TTC16: variants seen among roughly 807,000 people sequenced by gnomAD.
TTC16 encodes tetratricopeptide repeat protein 16.
In TTC16, 66 loss-of-function variants were observed where a neutral mutation model predicts 80.4. The ratio of observed to expected loss-of-function variants is 0.82; its 90% CI spans 0.67 to 1.01. The LOEUF (loss-of-function observed/expected upper bound fraction) is 1.01. Ranked by LOEUF, TTC16 falls within the 50% of genes least tolerant of loss-of-function variation. TTC16 has a pLI of 0.00. For synonymous variants in TTC16, 438 were observed against 451.3 expected (o/e 0.97, Z 0.37); for missense variants, 1,070 against 1,103.2 (o/e 0.97, Z 0.43).
At chr9:127,730,523 G>C in intron 13 of TTC16, 113 bp from the exon 14 acceptor site, 1 of 1,461,870 alleles carries the variant, frequency 6.8e-7, no homozygotes, top group Non-Finnish European at 9.1e-7. Flanking sequence ...TCCCTTTGGT[G>C]ATGCGAAGCC....
chr9:127,723,307 T>C lies in TTC16; in HGVS notation c.846T>C (p.Pro282=). 3 of 1,612,756 alleles carry C rather than the reference T, an allele frequency of 1.9e-6. No homozygotes were observed. Among genetic ancestry groups the C allele is most frequent in the Non-Finnish European group, 2.5e-6 (3 of 1,179,912 alleles). Residue 282 remains proline (P), a synonymous_variant, in exon 7 of 14, where the codon CCT becomes CCC. Transcript: ENST00000373289. ...TCAACCGTGCCATCGAGAACAACCCTCTGGACCCCAGTCTCTTCCTCTTCC... is the reference window on the plus strand; with the variant it reads ...TCAACCGTGCCATCGAGAACAACCCCCTGGACCCCAGTCTCTTCCTCTTCC... ...QRINRAIENN[P]LDPSLFLFRG...
chr9:127,726,317 GGCCAAGAGCCGGCA>G lies in TTC16; in HGVS notation c.1341_1354del (p.Lys448AlafsTer42). On this transcript the variant is annotated frameshift_variant, in exon 10 of 14. Coordinates refer to ENST00000373289, the MANE Select transcript of TTC16 (RefSeq NM_144965.3). LOFTEE classifies it high-confidence loss of function. ...AGAAGGCCCAGTACTACCTGTACCG[GGCCAAGAGCCGGCA>G]GCTGCTGCAGAACATTTTTGGGGCC... 6.2e-7 allele frequency: 1 copy of G among 1,612,276 alleles called. No homozygotes were observed. The highest frequency in any genetic ancestry group is 2.2e-5 in the East Asian group (1 of 44,792).
In TTC16 at chr9:127,716,702, C is replaced by G. The variant is rs1843044815; in HGVS notation, c.19-142C>G. The G allele has an allele frequency of 2.8e-6, 3 of 1,080,420 alleles. No individual in the cohort carries two copies. In the South Asian group the frequency reaches 4.9e-5, roughly 18 times the overall value. The allele number at this position is 1,080,420 out of a possible 1,614,324, so 66.9% of individuals were successfully genotyped here. On this transcript the variant is annotated intron_variant, in intron 1 of 13. Transcript: ENST00000373289. ...TCCCTAAGGGGAATGGGGCTGGGAG[C>G]GCCACCGGAACCCCGAGTGGGAGTG... is the stretch of plus-strand genomic sequence containing the variant.
At chr9:127,726,534 TC>T in intron 10 of TTC16, 130 bp downstream of exon 10, 1 of 1,131,142 alleles carries the variant, frequency 8.8e-7, no homozygotes. Context: ...ATGCCTGTAA[TC>T]CCAGCACTTT....
chr9:127,723,203 G>A lies in TTC16; in HGVS notation c.742G>A (p.Val248Met). ...GGCCAGGATGCTGCTCCAGAAGATG[G>A]TGGCCCAGGCCCAGCAGGCGCGCCA... ...PQARMLLQKMVAQAQQARQDA... is the reference protein window; with the variant it reads ...PQARMLLQKMMAQAQQARQDA... Residue 248 changes from valine to methionine, a missense_variant, in exon 7 of 14, where the codon GTG becomes ATG. Coordinates refer to ENST00000373289, the MANE Select transcript of TTC16 (RefSeq NM_144965.3). 5 of 1,612,866 alleles carry A rather than the reference G, an allele frequency of 3.1e-6. No individual in the cohort carries two copies. The highest frequency in any genetic ancestry group is 3.4e-6 in the Non-Finnish European group (4 of 1,180,026).
chr9:127,730,593 G>A, intron 13 of TTC16, 43 bp from the exon 14 acceptor site: 1 of 1,593,876 alleles, frequency 6.3e-7, no homozygotes, highest in East Asian at 2.2e-5. Context: ...GTCCAGGGCA[G>A]GTGCGGCAGG....
Position 127,726,270 on chromosome 9 carries a change from A to ACGGCCATC in TTC16, c.1296_1303dup (p.His435ProfsTer48), listed in dbSNP as rs777928640. On this transcript the variant is annotated frameshift_variant, in exon 10 of 14. Transcript: ENST00000373289. LOFTEE classifies it high-confidence loss of function. ...CCAGAAGGCAGAGAACCACTTCTCC[A>ACGGCCATC]CGGCCATCCGGCACAACCCCCAGAA... The ACGGCCATC allele has an allele frequency of 2.5e-6, 4 of 1,603,000 alleles. No homozygotes were observed. In the Admixed American group the frequency reaches 6.7e-5, roughly 27 times the overall value.
intron 6 of TTC16, 29 bp downstream of exon 6, chr9:127,720,424 G>A (rs750222192): frequency 6.2e-7 from 1 of 1,609,596 alleles, no homozygotes; most frequent in South Asian, 1.1e-5. Context: ...GCAGGGGCAT[G>A]CCCCCCAACC....
intron 8 of TTC16, 92 bp downstream of exon 8, chr9:127,724,456 A>G (rs2131660137): frequency 6.7e-7 from 1 of 1,484,080 alleles, no homozygotes; most frequent in Non-Finnish European, 9.2e-7. Context: ...CCCTGGGGGG[A>G]AGGAGGAAGG....
rs554177345 is a variant in TTC16, at chr9:127,724,108, C to A, written c.873-12C>A. On this transcript the variant is annotated splice_polypyrimidine_tract_variant and intron_variant, in intron 7 of 13. Transcript: ENST00000373289. ...ATGTCCCTCCTGCCGTCTCCCACGC[C>A]CCCCCCGACAGGGGCACCATGTACC... 11 of 1,596,046 alleles carry A rather than the reference C, an allele frequency of 6.9e-6. No individual in the cohort carries two copies. The highest frequency in any genetic ancestry group is 4.5e-5 in the East Asian group (2 of 44,608).
At chr9:127,719,356 C>A (rs1417219443) in intron 4 of TTC16, among the ~76,000 whole-genome samples, 5 of 152,230 alleles carry the variant, frequency 3.3e-5, no homozygotes, top group Non-Finnish European at 7.3e-5. Flanking sequence ...AGCCTCAGTT[C>A]CTTTATCCAT....
intron 4 of TTC16, 119 bp downstream of exon 4, chr9:127,717,891 C>A: frequency 7.8e-7 from 1 of 1,277,214 alleles, no homozygotes; most frequent in Non-Finnish European, 1.1e-6. Flanking sequence ...GTCTGGGTCC[C>A]CCCCGCTGCC....
At position 127,717,018 on chromosome 9, in the gene TTC16, T is replaced by C. The variant is rs766153919; in HGVS notation, c.191+2T>C. 7 of 1,611,584 alleles carry C rather than the reference T, an allele frequency of 4.3e-6. No individual in the cohort carries two copies. Among genetic ancestry groups the C allele is most frequent in the Non-Finnish European group, 5.9e-6 (7 of 1,177,934 alleles). On this transcript the variant is annotated splice_donor_variant, in intron 2 of 13. Coordinates refer to ENST00000373289, the MANE Select transcript of TTC16 (RefSeq NM_144965.3). LOFTEE classifies it high-confidence loss of function. ...AGTGCCCCTCAAAGTCAGGGAATAG[T>C]GAGTGACTACCTTGCTTTGGGGTCC...
At chr9:127,730,241 G>A in intron 13 of TTC16, 1 of 276,066 alleles carries the variant, frequency 3.6e-6, no homozygotes, top group Non-Finnish European at 6.9e-6. Flanking sequence ...CCAGGAGACA[G>A]GGCAGACACA....
intron 13 of TTC16, chr9:127,730,307 T>G: frequency 2.6e-6 from 1 of 384,206 alleles, no homozygotes; most frequent in Non-Finnish European, 4.8e-6. Context: ...GGGACGAGGA[T>G]GGAAAAGCAG....
rs2082844444 is a variant in TTC16 at position 127,726,294 on chromosome 9, AAG to A, written c.1316_1317del (p.Lys439SerfsTer55). 6.2e-7 allele frequency: 1 copy of A among 1,608,582 alleles called. No individual in the cohort carries two copies. The highest frequency in any genetic ancestry group is 1.3e-5 in the African/African-American group (1 of 74,736). ...CACGGCCATCCGGCACAACCCCCAG[AAG>A]GCCCAGTACTACCTGTACCGGGCCA... ...FSTAIRHNPQ[K>X]AQYYLYRAKS... On this transcript the variant is annotated frameshift_variant, in exon 10 of 14. Coordinates refer to ENST00000373289, the MANE Select transcript of TTC16 (RefSeq NM_144965.3). LOFTEE classifies it high-confidence loss of function.
At position 127,730,670 on chromosome 9, in the gene TTC16, G is replaced by A. The variant is rs201414083; in HGVS notation, c.1887G>A (p.Ser629=). ...CAGGCACCTCAGAGACTGAGATGTC[G>A]GCTATCTGCCAGGAATACAGGAGCA... is the stretch of plus-strand genomic sequence containing the variant. ...RTTGTSETEM[S]AICQEYRSTS... The change falls in exon 14 of 14, where the codon TCG becomes TCA. Residue 629 remains serine, a synonymous_variant. Transcript: ENST00000373289. 3.2e-5 allele frequency: 52 copies of A among 1,612,998 alleles called. No individual in the cohort carries two copies. Among genetic ancestry groups the A allele is most frequent in the Middle Eastern group, 3.3e-4 (2 of 6,062 alleles).
chr9:127,731,377 A>G lies in TTC16; in HGVS notation c.2594A>G (p.Gln865Arg), dbSNP rs147596986. The change falls in exon 14 of 14, where the codon CAG becomes CGG. Residue 865 changes from glutamine to arginine, a missense_variant. Coordinates refer to ENST00000373289, the MANE Select transcript of TTC16 (RefSeq NM_144965.3). ...AGTCTCAGCAAAACTGAGGTTGATCAGGACCTCACCTACTATGAAGCTGTC... is the reference window on the plus strand; with the variant it reads ...AGTCTCAGCAAAACTGAGGTTGATCGGGACCTCACCTACTATGAAGCTGTC... ...SPSLSKTEVD[Q>R]DLTYYEAV The G allele has an allele frequency of 9.9e-6, 16 of 1,612,714 alleles. No individual in the cohort carries two copies. The highest frequency in any genetic ancestry group is 9.3e-5 in the African/African-American group (7 of 74,936).
At position 127,717,778 on chromosome 9, in the gene TTC16, T is replaced by G. The variant is rs1811383475; in HGVS notation, c.426+6T>G. The G allele has an allele frequency of 6.2e-7, 1 of 1,610,972 alleles. No homozygotes were observed. The highest frequency in any genetic ancestry group is 1.7e-5 in the Admixed American group (1 of 59,662). On this transcript the variant is annotated splice_donor_region_variant and intron_variant, in intron 4 of 13. Coordinates refer to ENST00000373289, the MANE Select transcript of TTC16 (RefSeq NM_144965.3). ...CCTTTGTGCTCTACCTACAGGTGCC[T>G]GGGGCCTCCCGGGCCCATGCAGGGC...
Sources: allele counts gnomAD v4.1 joint callset (sites outside exome capture counted in the v4.1 genomes callset), GRCh38; gene constraint gnomAD v4.1.1; transcripts MANE v1.5; gene names NCBI Gene and HGNC (gene_info 2026-07-23, HGNC 2026-07-21).